ATG7: variants seen among roughly 807,000 people sequenced by gnomAD.
ATG7 encodes autophagy related 7.
ATG7 carries 70 observed loss-of-function variants against 82.4 expected under a neutral mutation model. That is an observed-to-expected ratio of 0.85 (90% CI 0.70 to 1.04). ATG7 has a LOEUF of 1.04. ATG7 is among the 50% of genes least tolerant of loss of function. The probability of loss-of-function intolerance (pLI) is 0.00; values close to 1 mark genes in which losing one functional copy is unlikely to be tolerated. For missense variants in ATG7, 792 were observed against 864.3 expected, an observed-to-expected ratio of 0.92 and a Z score of 1.05; for synonymous variants, 287 against 313.0, an observed-to-expected ratio of 0.92 and a Z score of 0.88.
intron 20 of ATG7, among the ~76,000 whole-genome samples, chr3:11,467,258 C>T (rs2086927124): frequency 6.6e-6 from 1 of 152,214 alleles, no homozygotes; most frequent in Non-Finnish European, 1.5e-5. Flanking sequence ...GTCAGACCAA[C>T]CTGAGTTTAA....
chr3:11,336,214 T>C (rs975042944), intron 11 of ATG7, among the ~76,000 whole-genome samples: 7 of 151,424 alleles, frequency 4.6e-5, no homozygotes, highest in Non-Finnish European at 1.0e-4. Flanking sequence ...TTTTGTATTT[T>C]AGTAGAGACG....
intron 1 of ATG7, among the ~76,000 whole-genome samples, chr3:11,280,259 G>C (rs989560177): frequency 6.6e-6 from 1 of 152,096 alleles, no homozygotes; most frequent in Non-Finnish European, 1.5e-5. Context: ...TGTTGGCCGG[G>C]CATGTTATTG....
chr3:11,350,975 G>C (rs182242002), intron 14 of ATG7, among the ~76,000 whole-genome samples: 1 of 144,376 alleles, frequency 6.9e-6, no homozygotes, highest in African/African-American at 2.5e-5. Flanking sequence ...TCGTTGGAGA[G>C]TATTATGAAC....
chr3:11,482,729 G>C (rs1245807289), intron 20 of ATG7, among the ~76,000 whole-genome samples: 1 of 151,914 alleles, frequency 6.6e-6, no homozygotes, highest in African/African-American at 2.4e-5. Flanking sequence ...ATGATTTATA[G>C]GGGATATCTA....
Position 11,544,341 on chromosome 3 carries a change from A to G in ATG7, c.2080-10470A>G, listed in dbSNP as rs568243721. Among the ~76,000 whole-genome samples the G allele has an allele frequency of 3.2e-4, 49 of 152,280 alleles. 2 individuals carry two copies. In the Middle Eastern group the frequency reaches 0.02, roughly 63 times the overall value. On this transcript the variant is annotated intron_variant, in intron 20 of 20. Transcript: ENST00000693202. ...AGCAGACCTGGGTCCAGCAAGGGAA[A>G]TGGTTAACCCGTGAGGCCCCCCATC...
chr3:11,452,609 A>C (rs1295651508), intron 20 of ATG7, among the ~76,000 whole-genome samples: 2 of 152,106 alleles, frequency 1.3e-5, no homozygotes, highest in African/African-American at 4.8e-5. Flanking sequence ...GGAAAAGACC[A>C]AGGAGTTCTT....
chr3:11,434,976 G>A (rs1319287998), intron 20 of ATG7, among the ~76,000 whole-genome samples: 1 of 151,920 alleles, frequency 6.6e-6, no homozygotes, highest in Non-Finnish European at 1.5e-5. Flanking sequence ...TAAAATGAGA[G>A]GATTGAATCA....
At chr3:11,329,859 A>G (rs983392754) in intron 9 of ATG7, among the ~76,000 whole-genome samples, 3 of 152,144 alleles carry the variant, frequency 2.0e-5, no homozygotes, top group Admixed American at 2.0e-4. Flanking sequence ...TTTTCCTGCA[A>G]TACTCTCTGT....
intron 20 of ATG7, among the ~76,000 whole-genome samples, chr3:11,452,408 A>AAC (rs2085285129): frequency 6.7e-6 from 1 of 150,078 alleles, no homozygotes; most frequent in Admixed American, 6.6e-5. Context: ...AAAAAAAAAA[A>AAC]GGAAATGTTC....
intron 20 of ATG7, among the ~76,000 whole-genome samples, chr3:11,497,357 C>CTATATATATATGTATATG (rs1281826628): frequency 0.011 from 623 of 57,318 alleles, 25 homozygotes; most frequent in African/African-American, 0.04. Flanking sequence ...ACTAAAAATA[C>CTATATATATATGTATATG]TATATATATA....
intron 20 of ATG7, among the ~76,000 whole-genome samples, chr3:11,440,323 C>CTTTT (rs59365367): frequency 0.012 from 1,410 of 113,812 alleles, 52 homozygotes; most frequent in East Asian, 0.016. Context: ...GGCCTTTACT[C>CTTTT]TTTTTTTTTT....
chr3:11,286,615 G>A (rs1187244154), intron 3 of ATG7, among the ~76,000 whole-genome samples: 2 of 116,364 alleles, frequency 1.7e-5, no homozygotes, highest in Admixed American at 1.1e-4. Flanking sequence ...TTTTGAGACA[G>A]GGTCTGGCTC....
In ATG7 at chr3:11,313,540, C is replaced by T. The variant is rs1015331417; in HGVS notation, c.528+120C>T. ...ATGAAGACGTGGTAACTGAAATCCT[C>T]CAAAGGTGGTACTAGGAGCAGACTT... is the stretch of plus-strand genomic sequence containing the variant. On this transcript the variant is annotated intron_variant, in intron 8 of 20. Transcript: ENST00000693202. 11 of 642,664 alleles carry T rather than the reference C, an allele frequency of 1.7e-5. No individual in the cohort carries two copies. In the South Asian group the frequency reaches 2.2e-4, roughly 13 times the overall value. The allele number at this position is 642,664 out of a possible 1,614,324, so 39.8% of individuals were successfully genotyped here.
At position 11,430,341 on chromosome 3, in the gene ATG7, C is replaced by A. The variant is rs115900171; in HGVS notation, c.2079+3415C>A. On this transcript the variant is annotated intron_variant, in intron 20 of 20. Transcript: ENST00000693202. Reference sequence around the variant, plus strand: ...AATATATGTTAAAATATATATATACCTTTACGTATATCTGTGTAAAAGTAG... The same window carrying A: ...AATATATGTTAAAATATATATATACATTTACGTATATCTGTGTAAAAGTAG... Among the ~76,000 whole-genome samples the A allele has an allele frequency of 7.0e-3, 1,060 of 151,844 alleles. 9 individuals are homozygous for A. Among genetic ancestry groups the A allele is most frequent in the African/African-American group, 0.024 (1,008 of 41,430 alleles).
rs954805041 is a variant in ATG7 at position 11,531,075 on chromosome 3, C to A, written c.2080-23736C>A. 6.6e-5 allele frequency among the ~76,000 whole-genome samples: 10 copies of A among 152,152 alleles called. 1 individual carries two copies. The South Asian group carries it at 2.1e-3, about 32-fold the overall frequency. On this transcript the variant is annotated intron_variant, in intron 20 of 20. Coordinates refer to ENST00000693202, the MANE Select transcript of ATG7 (RefSeq NM_001349232.2). ...CCACAGGACTATGGAGTCGGCAGAGCGGGCTTCTTGCCTCTCTGGCTGGTT... is the reference window on the plus strand; with the variant it reads ...CCACAGGACTATGGAGTCGGCAGAGAGGGCTTCTTGCCTCTCTGGCTGGTT...
At chr3:11,317,396 A>C (rs541972316) in intron 9 of ATG7, among the ~76,000 whole-genome samples, 4 of 152,166 alleles carry the variant, frequency 2.6e-5, no homozygotes, top group East Asian at 1.9e-4. Context: ...AAATAATAAC[A>C]GTTTGAACAG....
chr3:11,321,138 C>G (rs1349873105), intron 9 of ATG7, among the ~76,000 whole-genome samples: 1 of 152,168 alleles, frequency 6.6e-6, no homozygotes, highest in African/African-American at 2.4e-5. Flanking sequence ...CATGTGCACA[C>G]AGTTCTGCGT....
chr3:11,563,153 A>G, the ATG7 span, among the ~76,000 whole-genome samples: 1 of 150,394 alleles, frequency 6.6e-6, no homozygotes, highest in African/African-American at 2.4e-5. Context: ...ATGTGGGCAG[A>G]GATAGCTTGT....
At chr3:11,308,850 T>A in intron 6 of ATG7, 134 bp from the exon 7 acceptor site, 1 of 797,240 alleles carries the variant, frequency 1.3e-6, no homozygotes, top group Non-Finnish European at 2.2e-6. Context: ...ACAACCCACT[T>A]CATTGTTTGG....
Sources: gnomAD v4.1 joint callset for allele counts (sites outside exome capture counted in the v4.1 genomes callset) on GRCh38, gnomAD v4.1.1 for gene constraint, MANE v1.5 for transcripts, NCBI Gene and HGNC (gene_info 2026-07-23, HGNC 2026-07-21) for gene names.